The following WASHC2C variants were observed in gnomAD, a reference collection of about 807,000 sequenced individuals.
WASHC2C encodes Vaccinia Penetration Factor.
In WASHC2C, 73 loss-of-function variants were observed where a neutral mutation model predicts 142.2. The ratio of observed to expected loss-of-function variants is 0.51; its 90% CI spans 0.43 to 0.62. The LOEUF (loss-of-function observed/expected upper bound fraction) is 0.62. Ranked by LOEUF, WASHC2C falls within the 20% of genes least tolerant of loss-of-function variation. WASHC2C has a pLI of 0.00. For missense variants in WASHC2C, 969 were observed against 1,531.7 expected (o/e 0.63, Z 6.13); for synonymous variants, 337 against 565.5 (o/e 0.60, Z 5.73).
chr10:45,791,069 A>G (rs1164215044), intron 30 of WASHC2C, among the ~76,000 whole-genome samples: 150 of 152,082 alleles, frequency 9.9e-4, no homozygotes, highest in African/African-American at 3.4e-3. Context: ...CTTCTGCTTT[A>G]TTAGTAGACA....
intron 15 of WASHC2C, among the ~76,000 whole-genome samples, chr10:45,755,986 G>A (rs2054234808): frequency 2.0e-5 from 3 of 151,240 alleles, no homozygotes; most frequent in South Asian, 4.2e-4. Context: ...GAGGGAAAAC[G>A]ATAGCCTAGT....
At position 45,791,744 on chromosome 10, in the gene WASHC2C, A is replaced by G. The variant is rs1331840920; in HGVS notation, c.3887-517A>G. On this transcript the variant is annotated intron_variant, in intron 30 of 30. Coordinates refer to ENST00000623400, the MANE Select transcript of WASHC2C (RefSeq NM_001330074.2). ...CTAGCAGTAACATTACTGGGTAATTACCATAATTAGATAAGACAAGCTTTT... is the reference window on the plus strand; with the variant it reads ...CTAGCAGTAACATTACTGGGTAATTGCCATAATTAGATAAGACAAGCTTTT... 1.4e-5 allele frequency among the ~76,000 whole-genome samples: 2 copies of G among 146,230 alleles called. 1 individual carries two copies. The highest frequency in any genetic ancestry group is 3.0e-5 in the Non-Finnish European group (2 of 65,682).
At chr10:45,751,254 T>G (rs1402882912) in intron 10 of WASHC2C, among the ~76,000 whole-genome samples, 1 of 150,862 alleles carries the variant, frequency 6.6e-6, no homozygotes, top group Non-Finnish European at 1.5e-5. Context: ...ACAATCCTGT[T>G]ATGCACATGA....
In WASHC2C at chr10:45,790,430, T is replaced by C; in HGVS notation, c.3783T>C (p.Asn1261=). The C allele has an allele frequency of 6.2e-7, 1 of 1,611,056 alleles. No homozygotes were observed. The change falls in exon 30 of 31, where the codon AAT becomes AAC. Residue 1261 remains asparagine (N), a synonymous_variant. Transcript: ENST00000623400. ...AGAAGGAGAAAACATTGGAATCTAA[T>C]TTATTTGATGATAACATTGATATCT... The part of the protein sequence containing the change: ...TREKEKTLES[N]LFDDNIDIFA...
chr10:45,770,085 A>G (rs2056424568), intron 20 of WASHC2C, among the ~76,000 whole-genome samples: 1 of 151,296 alleles, frequency 6.6e-6, no homozygotes, highest in African/African-American at 2.4e-5. Context: ...CTAAAAAAAT[A>G]TAAAAATTAG....
In WASHC2C at chr10:45,769,523, T is replaced by A; in HGVS notation, c.1944T>A (p.Ser648=). 6.2e-7 allele frequency: 1 copy of A among 1,611,740 alleles called. No individual in the cohort carries two copies. The change falls in exon 20 of 31, where the codon TCT becomes TCA. Residue 648 remains serine, a synonymous_variant. Coordinates refer to ENST00000623400, the MANE Select transcript of WASHC2C (RefSeq NM_001330074.2). ...GGTCTAAAGGAGAACCCAGGGATTCTGGGACCCTCCAGAGCCAGGAGGCCA... is the reference window on the plus strand; with the variant it reads ...GGTCTAAAGGAGAACCCAGGGATTCAGGGACCCTCCAGAGCCAGGAGGCCA... ...DSRSKGEPRD[S]GTLQSQEAKA...
At position 45,729,375 on chromosome 10, in the gene WASHC2C, C is replaced by T. The variant is rs1436989055; in HGVS notation, c.291+349C>T. Among the ~76,000 whole-genome samples the T allele has an allele frequency of 3.3e-5, 5 of 152,186 alleles. No homozygotes were observed. The South Asian group carries it at 6.2e-4, about 19-fold the overall frequency. On this transcript the variant is annotated intron_variant, in intron 3 of 30. Transcript: ENST00000623400. ...TTTACCTGGTTAGACCCTCTGGACA[C>T]CAGCATATGGTTTCAGTTGTTGATT... is the stretch of plus-strand genomic sequence containing the variant.
chr10:45,751,633 C>G, intron 11 of WASHC2C, 80 bp downstream of exon 11: 1 of 710,222 alleles, frequency 1.4e-6, no homozygotes. Context: ...TGAAGTACTG[C>G]TTTACATGCT....
chr10:45,738,107 T>C (rs1564704485), intron 4 of WASHC2C, 62 bp downstream of exon 4: 10 of 1,611,572 alleles, frequency 6.2e-6, no homozygotes, highest in South Asian at 2.2e-5. Context: ...TGGAGATCGA[T>C]GTGTTATGTG....
In WASHC2C at chr10:45,765,796, A is replaced by G. The variant is rs2055728300; in HGVS notation, c.1855A>G (p.Ser619Gly). 1 of 1,611,986 alleles carries G rather than the reference A, an allele frequency of 6.2e-7. No homozygotes were observed. The highest frequency in any genetic ancestry group is 8.5e-7 in the Non-Finnish European group (1 of 1,179,852). The change falls in exon 19 of 31, where the codon AGC becomes GGC. Residue 619 changes from serine (S) to glycine (G), a missense_variant. Coordinates refer to ENST00000623400, the MANE Select transcript of WASHC2C (RefSeq NM_001330074.2). ...AAAGAAAGCATCTGCCCTGTTGTTC[A>G]GCAGTGATGAGGAGGTGAGCTGAGG... ...SKKKASALLFSSDEEDQWNIP... is the reference protein window; with the variant it reads ...SKKKASALLFGSDEEDQWNIP...
intron 4 of WASHC2C, among the ~76,000 whole-genome samples, chr10:45,739,246 A>G (rs2051668497): frequency 6.6e-6 from 1 of 151,774 alleles, no homozygotes; most frequent in Non-Finnish European, 1.5e-5. Flanking sequence ...TCAGTTAGAA[A>G]GACTTCAGTA....
chr10:45,727,116 C>T (rs1435926734), upstream of WASHC2C: 7 of 1,410,526 alleles, frequency 5.0e-6, no homozygotes, highest in South Asian at 3.1e-5. Flanking sequence ...AGGGTAGAAC[C>T]CCAAACTCCA....
At chr10:45,759,920 T>A (rs575570927) in intron 17 of WASHC2C, among the ~76,000 whole-genome samples, 58 of 150,548 alleles carry the variant, frequency 3.9e-4, no homozygotes, top group Non-Finnish European at 6.5e-4. Context: ...TGTATTTACA[T>A]TTCCTGGGAT....
At chr10:45,739,510 A>G (rs2610467) in intron 4 of WASHC2C, among the ~76,000 whole-genome samples, 21 of 151,900 alleles carry the variant, frequency 1.4e-4, no homozygotes, top group African/African-American at 4.8e-4. Context: ...TTTTTCTTGA[A>G]TGGGGCATTG....
chr10:45,784,289 T>TATATATATATATATATATACAC (rs1333007505), intron 23 of WASHC2C, among the ~76,000 whole-genome samples: 2 of 17,706 alleles, frequency 1.1e-4, no homozygotes, highest in Admixed American at 9.7e-4. Flanking sequence ...TATATATATA[T>TATATATATATATATATATACAC]ACACATATAT....
In WASHC2C at chr10:45,755,128, G is replaced by C. The variant is rs1322268366; in HGVS notation, c.1420+13G>C. ...CCTTCTAAAACACGTATGTGTTCCT[G>C]CCTCCGTTTCTAGGACTTCAGCCAG... On this transcript the variant is annotated intron_variant, in intron 15 of 30. Transcript: ENST00000623400. The C allele has an allele frequency of 6.3e-7, 1 of 1,596,212 alleles. No homozygotes were observed. The highest frequency in any genetic ancestry group is 8.5e-7 in the Non-Finnish European group (1 of 1,171,724).
chr10:45,757,776 C>T (rs1355322310), intron 16 of WASHC2C, among the ~76,000 whole-genome samples: 165 of 152,318 alleles, frequency 1.1e-3, no homozygotes, highest in African/African-American at 3.7e-3. Flanking sequence ...GCACAGTTCA[C>T]AATAGCGTTT....
rs1445843717 is a variant in WASHC2C, at chr10:45,738,028, G to T, written c.337G>T (p.Ala113Ser). 1.9e-6 allele frequency: 3 copies of T among 1,611,638 alleles called. No homozygotes were observed. In the African/African-American group the frequency reaches 4.0e-5, roughly 22 times the overall value. The stretch of plus-strand genomic sequence containing the variant: ...GGAGGAGCCAGTACTCAAGGCTGAG[G>T]CAGAAAAAACAGAGCAGGTACTTGT... ...EVEEPVLKAEAEKTEQEKTRE... is the reference protein window; with the variant it reads ...EVEEPVLKAESEKTEQEKTRE... Residue 113 changes from alanine to serine, a missense_variant, in exon 4 of 31, where the codon GCA becomes TCA. Physicochemically the swap from Ala to Ser is moderately conservative, Grantham distance 99. Coordinates refer to ENST00000623400, the MANE Select transcript of WASHC2C (RefSeq NM_001330074.2).
chr10:45,780,803 G>C (rs1469167922), intron 23 of WASHC2C, among the ~76,000 whole-genome samples: 5 of 151,028 alleles, frequency 3.3e-5, no homozygotes, highest in African/African-American at 1.2e-4. Context: ...CCCCAGGCTG[G>C]ATTGAAATGG....
Sources: allele counts gnomAD v4.1 joint callset (sites outside exome capture counted in the v4.1 genomes callset), GRCh38; gene constraint gnomAD v4.1.1; transcripts MANE v1.5; gene names NCBI Gene and HGNC (gene_info 2026-07-23, HGNC 2026-07-21).